The following ITFG1 variants were observed in gnomAD, a reference collection of about 807,000 sequenced individuals.
The protein encoded by ITFG1 is integrin alpha FG-GAP repeat containing 1, also known as T-cell immunomodulatory protein.
ITFG1 carries 34 observed loss-of-function variants against 81.8 expected under a neutral mutation model. The observed-to-expected ratio is 0.42, with a 90% CI of 0.32 to 0.55. The LOEUF (loss-of-function observed/expected upper bound fraction) is 0.55, where lower values mean the gene tolerates loss of function less well. Among genes scored for constraint, ITFG1 ranks in the 20% least tolerant of loss-of-function variants. ITFG1 has a pLI of 0.17. For synonymous variants in ITFG1, 285 were observed against 270.6 expected, an observed-to-expected ratio of 1.05 and a Z score of -0.52; for missense variants, 672 against 755.4, an observed-to-expected ratio of 0.89 and a Z score of 1.29.
chr16:47,184,440 C>T (rs562358486), intron 14 of ITFG1, among the ~76,000 whole-genome samples: 39 of 152,264 alleles, frequency 2.6e-4, no homozygotes, highest in African/African-American at 7.0e-4. Flanking sequence ...TCGGCAGAAA[C>T]GCTACAAGCC....
In ITFG1 at chr16:47,165,847, AAAAC is replaced by A. The variant is rs570468575; in HGVS notation, c.1454-3187_1454-3184del. Among the ~76,000 whole-genome samples, 84 of 152,310 alleles carry A rather than the reference AAAAC, an allele frequency of 5.5e-4. 1 individual carries two copies. The highest frequency in any genetic ancestry group is 2.0e-3 in the Admixed American group (30 of 15,292). Reference sequence around the variant, plus strand: ...GGAGATAGAGTAAGACCCTGTCTCAAAAACAAACAAACAAACAAACCCAAAATTA... The same window carrying A: ...GGAGATAGAGTAAGACCCTGTCTCAAAAACAAACAAACAAACCCAAAATTA... On this transcript the variant is annotated intron_variant, in intron 14 of 17. Transcript: ENST00000320640.
chr16:47,186,528 G>T (rs2151515827), intron 14 of ITFG1, among the ~76,000 whole-genome samples: 1 of 152,306 alleles, frequency 6.6e-6, no homozygotes, highest in East Asian at 1.9e-4. Flanking sequence ...TATCTCAATA[G>T]ATGCAGAAAA....
At chr16:47,400,259 C>G (rs1206013445) in intron 6 of ITFG1, among the ~76,000 whole-genome samples, 1 of 152,160 alleles carries the variant, frequency 6.6e-6, no homozygotes, top group Non-Finnish European at 1.5e-5. Context: ...TGCAGTGGCT[C>G]AGGCCTGTAA....
intron 12 of ITFG1, among the ~76,000 whole-genome samples, chr16:47,243,360 CA>C (rs1390710664): frequency 1.3e-5 from 2 of 151,858 alleles, no homozygotes; most frequent in Non-Finnish European, 2.9e-5. Flanking sequence ...TTTAATAGAC[CA>C]TCTGCATTAC....
intron 8 of ITFG1, among the ~76,000 whole-genome samples, chr16:47,328,373 G>A (rs946017370): frequency 1.3e-5 from 2 of 152,004 alleles, no homozygotes; most frequent in African/African-American, 2.4e-5. Flanking sequence ...CTAATGCTAA[G>A]TGACGAATTA....
intron 14 of ITFG1, among the ~76,000 whole-genome samples, chr16:47,215,926 G>T (rs1965619525): frequency 6.6e-6 from 1 of 151,740 alleles, no homozygotes; most frequent in African/African-American, 2.4e-5. Context: ...TTTTACCTTA[G>T]ATATTTTTTC....
chr16:47,403,112 A>T (rs1567487911), intron 6 of ITFG1, among the ~76,000 whole-genome samples: 2 of 152,214 alleles, frequency 1.3e-5, no homozygotes, highest in African/African-American at 2.4e-5. Flanking sequence ...AAATTTTTTT[A>T]AAAAGATCAT....
chr16:47,453,373 C>T (rs1276428896), intron 3 of ITFG1, among the ~76,000 whole-genome samples: 2 of 152,162 alleles, frequency 1.3e-5, no homozygotes, highest in Non-Finnish European at 1.5e-5. Flanking sequence ...GACTGACTCT[C>T]GAACCATACT....
intron 10 of ITFG1, among the ~76,000 whole-genome samples, chr16:47,284,577 C>T (rs1966863012): frequency 6.6e-6 from 1 of 152,136 alleles, no homozygotes; most frequent in Admixed American, 6.5e-5. Context: ...ATCCAAACAG[C>T]TATTTCATTA....
chr16:47,291,526 A>G (rs1228095444), intron 10 of ITFG1, among the ~76,000 whole-genome samples: 1 of 152,182 alleles, frequency 6.6e-6, no homozygotes, highest in Admixed American at 6.5e-5. Flanking sequence ...TTCATTAACC[A>G]GATTTTCTAT....
intron 6 of ITFG1, among the ~76,000 whole-genome samples, chr16:47,407,535 T>C (rs1458439255): frequency 1.3e-5 from 2 of 152,032 alleles, no homozygotes; most frequent in Non-Finnish European, 2.9e-5. Context: ...TTAGTAGAAA[T>C]AGGGTTTTGC....
intron 10 of ITFG1, among the ~76,000 whole-genome samples, chr16:47,269,639 A>C (rs1040265868): frequency 5.3e-5 from 8 of 152,156 alleles, no homozygotes; most frequent in Admixed American, 5.2e-4. Context: ...CTAAAATAAA[A>C]AAGCTATATA....
At chr16:47,380,048 CAAA>C (rs763213367) in intron 6 of ITFG1, among the ~76,000 whole-genome samples, 8 of 49,090 alleles carry the variant, frequency 1.6e-4, no homozygotes, top group Non-Finnish European at 2.3e-4. Context: ...CTTGGGTAGC[CAAA>C]AAAAAAAAAA....
At chr16:47,416,730 G>A (rs1386709979) in intron 6 of ITFG1, among the ~76,000 whole-genome samples, 3 of 152,090 alleles carry the variant, frequency 2.0e-5, no homozygotes, top group Admixed American at 6.5e-5. Flanking sequence ...CAACATTGGT[G>A]GAAGCCTCCT....
rs557939849 is a variant in ITFG1 at position 47,221,318 on chromosome 16, C to T, written c.1375-2372G>A. 2.3e-4 allele frequency among the ~76,000 whole-genome samples: 35 copies of T among 152,198 alleles called. No individual in the cohort carries two copies. The East Asian group carries it at 6.2e-3, about 27-fold the overall frequency. ...AGGGTTGTTGAATTTTGTCAAAGGC[C>T]TTTTCTGCATCTATTGAGATAATCA... is the stretch of plus-strand genomic sequence containing the variant. On this transcript the variant is annotated intron_variant, in intron 13 of 17. Coordinates refer to ENST00000320640, the MANE Select transcript of ITFG1 (RefSeq NM_030790.5).
intron 13 of ITFG1, among the ~76,000 whole-genome samples, chr16:47,231,677 T>C (rs1350693165): frequency 1.3e-5 from 2 of 152,226 alleles, no homozygotes; most frequent in Non-Finnish European, 2.9e-5. Flanking sequence ...AACAATAACA[T>C]TGACAAATAA....
chr16:47,205,519 A>G (rs924756068), intron 14 of ITFG1, among the ~76,000 whole-genome samples: 1 of 152,240 alleles, frequency 6.6e-6, no homozygotes, highest in African/African-American at 2.4e-5. Context: ...CTGCATAATC[A>G]GCCTGGGAGA....
chr16:47,359,685 G>C (rs1968085064), intron 8 of ITFG1, among the ~76,000 whole-genome samples: 1 of 152,122 alleles, frequency 6.6e-6, no homozygotes, highest in South Asian at 2.1e-4. Flanking sequence ...CCTTCTTTTT[G>C]TTCCTTGAAC....
chr16:47,202,541 CT>C (rs1039955818), intron 14 of ITFG1: 9 of 151,592 alleles, frequency 5.9e-5, no homozygotes, highest in African/African-American at 2.2e-4. Flanking sequence ...CATATTCTAC[CT>C]TGTGAATGTG....
Sources: gnomAD v4.1 joint callset for allele counts (sites outside exome capture counted in the v4.1 genomes callset) on GRCh38, gnomAD v4.1.1 for gene constraint, MANE v1.5 for transcripts, NCBI Gene and HGNC (gene_info 2026-07-23, HGNC 2026-07-21) for gene names.